Variants in CSMD1 observed in about 807,000 individuals in gnomAD.
The protein encoded by CSMD1 is CUB and sushi domain-containing protein 1.
In CSMD1, 213 loss-of-function variants were observed where a neutral mutation model predicts 417.5. That is an observed-to-expected ratio of 0.51 (90% CI 0.46 to 0.57). The LOEUF is 0.57. Ranked by LOEUF, CSMD1 falls within the 20% of genes least tolerant of loss-of-function variation. The pLI is 0.00. For synonymous variants in CSMD1, 2,862 were observed against 1,736.8 expected, an observed-to-expected ratio of 1.65 and a Z score of -16.11; for missense variants, 6,923 against 4,529.7, an observed-to-expected ratio of 1.53 and a Z score of -15.17.
chr8:3,088,997 T>C (rs1224751806), intron 48 of CSMD1, among the ~76,000 whole-genome samples: 2 of 152,228 alleles, frequency 1.3e-5, no homozygotes, highest in Non-Finnish European at 2.9e-5. Context: ...CGTTTTCTTT[T>C]ACTGTGTTTC....
chr8:4,327,496 C>T (rs1451147936), intron 3 of CSMD1, among the ~76,000 whole-genome samples: 2 of 152,130 alleles, frequency 1.3e-5, no homozygotes, highest in Non-Finnish European at 2.9e-5. Flanking sequence ...ATTCTCTGTG[C>T]TGAGTGCCTT....
At chr8:3,772,700 TAC>T (rs1294304401) in intron 5 of CSMD1, among the ~76,000 whole-genome samples, 1 of 148,484 alleles carries the variant, frequency 6.7e-6, no homozygotes, top group Non-Finnish European at 1.5e-5. Context: ...TACAAATATA[TAC>T]ACACACACAT....
chr8:4,222,315 T>C (rs999988210), intron 3 of CSMD1, among the ~76,000 whole-genome samples: 3 of 152,078 alleles, frequency 2.0e-5, no homozygotes, highest in African/African-American at 7.2e-5. Context: ...TTTGGAAAAC[T>C]TGGGGGATAC....
chr8:3,018,678 T>C, intron 51 of CSMD1, 28 bp from the exon 52 acceptor site: 2 of 1,596,544 alleles, frequency 1.3e-6, no homozygotes, highest in Non-Finnish European at 1.7e-6. Context: ...AAAATGAACA[T>C]CAATTCAGTT....
At chr8:3,943,455 T>A (rs1811021656) in intron 5 of CSMD1, among the ~76,000 whole-genome samples, 1 of 151,488 alleles carries the variant, frequency 6.6e-6, no homozygotes, top group Admixed American at 6.6e-5. Flanking sequence ...CAGCAATTGT[T>A]TCTGACAAAA....
intron 3 of CSMD1, among the ~76,000 whole-genome samples, chr8:4,404,166 C>T (rs568346410): frequency 2.6e-5 from 4 of 152,182 alleles, no homozygotes; most frequent in African/African-American, 7.2e-5. Flanking sequence ...CCGGAACACT[C>T]TATTTAATAT....
At chr8:3,357,377 C>G (rs1437366507) in intron 21 of CSMD1, among the ~76,000 whole-genome samples, 1 of 152,174 alleles carries the variant, frequency 6.6e-6, no homozygotes, top group Non-Finnish European at 1.5e-5. Context: ...AGGGAACTGT[C>G]CATCACAGCA....
chr8:3,434,146 C>T (rs1339637480), intron 12 of CSMD1, among the ~76,000 whole-genome samples: 1 of 152,194 alleles, frequency 6.6e-6, no homozygotes, highest in African/African-American at 2.4e-5. Flanking sequence ...GGTTCTCTGG[C>T]AGTAAATGTT....
intron 1 of CSMD1, among the ~76,000 whole-genome samples, chr8:4,802,982 A>G (rs960918199): frequency 1.7e-4 from 26 of 152,190 alleles, no homozygotes; most frequent in Admixed American, 7.9e-4. Context: ...CAGAATCTTT[A>G]TGTTATTAGA....
At chr8:3,347,932 G>A (rs1808121299) in intron 22 of CSMD1, 60 bp downstream of exon 22, 1 of 1,186,922 alleles carries the variant, frequency 8.4e-7, no homozygotes. Flanking sequence ...AAAATAGATA[G>A]ACAATGTATT....
At chr8:4,690,109 C>G (rs1158453792) in intron 1 of CSMD1, among the ~76,000 whole-genome samples, 1 of 152,134 alleles carries the variant, frequency 6.6e-6, no homozygotes, top group Admixed American at 6.5e-5. Flanking sequence ...TTTTCTATTT[C>G]AACAAATTCA....
intron 52 of CSMD1, among the ~76,000 whole-genome samples, chr8:3,006,597 A>C (rs1247036826): frequency 6.6e-6 from 1 of 151,572 alleles, no homozygotes; most frequent in African/African-American, 2.4e-5. Context: ...GGAACAGAAC[A>C]GAGCCCTCAG....
chr8:4,141,161 T>A (rs936142299), intron 3 of CSMD1, among the ~76,000 whole-genome samples: 2 of 151,180 alleles, frequency 1.3e-5, no homozygotes, highest in African/African-American at 2.5e-5. Context: ...ACAGAACGTG[T>A]CTCTCACAGT....
chr8:3,192,937 GAA>G (rs11308845), intron 33 of CSMD1, among the ~76,000 whole-genome samples: 11 of 148,444 alleles, frequency 7.4e-5, no homozygotes, highest in Non-Finnish European at 1.0e-4. Context: ...ATGGCATGAA[GAA>G]AAAAAAAAAG....
At chr8:3,253,996 T>A (rs1362227743) in intron 26 of CSMD1, among the ~76,000 whole-genome samples, 1 of 152,230 alleles carries the variant, frequency 6.6e-6, no homozygotes, top group African/African-American at 2.4e-5. Flanking sequence ...TTTGCATGTT[T>A]TTGCAGTGGC....
At chr8:4,119,022 A>C (rs548402197) in intron 3 of CSMD1, among the ~76,000 whole-genome samples, 2 of 152,182 alleles carry the variant, frequency 1.3e-5, no homozygotes, top group African/African-American at 4.8e-5. Flanking sequence ...GTTCTCACTC[A>C]TAAGTGGGAG....
At chr8:4,142,751 T>G (rs1007272389) in intron 3 of CSMD1, among the ~76,000 whole-genome samples, 7 of 151,044 alleles carry the variant, frequency 4.6e-5, no homozygotes, top group African/African-American at 1.7e-4. Flanking sequence ...TACATTGAAC[T>G]TGCCAATCAC....
chr8:3,852,080 G>A (rs1448523177), intron 5 of CSMD1, among the ~76,000 whole-genome samples: 1 of 152,186 alleles, frequency 6.6e-6, no homozygotes, highest in Non-Finnish European at 1.5e-5. Flanking sequence ...GGAGATCTTT[G>A]CAGAAAAGGA....
chr8:3,887,920 A>G (rs905278183), intron 5 of CSMD1, among the ~76,000 whole-genome samples: 2 of 152,198 alleles, frequency 1.3e-5, no homozygotes, highest in African/African-American at 4.8e-5. Flanking sequence ...ATCAATTACA[A>G]TCAGGAAAAG....
Sources: gnomAD v4.1 joint callset for allele counts (sites outside exome capture counted in the v4.1 genomes callset) on GRCh38, gnomAD v4.1.1 for gene constraint, MANE v1.5 for transcripts, NCBI Gene and HGNC (gene_info 2026-07-23, HGNC 2026-07-21) for gene names.